Variants in HS2ST1 observed in about 807,000 individuals in gnomAD.
HS2ST1 encodes the protein 2-O-sulfotransferase.
HS2ST1 carries 18 observed loss-of-function variants against 42.9 expected under a neutral mutation model. The ratio of observed to expected loss-of-function variants is 0.42; its 90% CI spans 0.29 to 0.62. HS2ST1 has a LOEUF of 0.62. Among genes scored for constraint, HS2ST1 ranks in the 20% least tolerant of loss-of-function variants. The pLI, the probability that HS2ST1 is intolerant of heterozygous loss-of-function variation, is 0.21. For synonymous variants in HS2ST1, 146 were observed against 152.9 expected (o/e 0.95, Z 0.33); for missense variants, 334 against 433.8 (o/e 0.77, Z 2.04).
At chr1:87,102,461 T>C (rs1029136254) in intron 5 of HS2ST1, among the ~76,000 whole-genome samples, 15 of 152,210 alleles carry the variant, frequency 9.9e-5, no homozygotes, top group African/African-American at 3.6e-4. Context: ...CCTGCTCCCA[T>C]GATCCAGTTA....
intron 1 of HS2ST1, among the ~76,000 whole-genome samples, chr1:86,926,667 G>GT (rs1660428781): frequency 6.6e-6 from 1 of 152,152 alleles, no homozygotes; most frequent in South Asian, 2.1e-4. Flanking sequence ...CTTTGATTGT[G>GT]TGTCCCCAAG....
intron 1 of HS2ST1, chr1:86,958,413 C>T (rs1647735018): frequency 6.6e-6 from 1 of 152,248 alleles, no homozygotes; most frequent in African/African-American, 2.4e-5. Context: ...TAAAGGTCTT[C>T]ATCCTTGCTG....
chr1:86,935,455 CTTTTTTTTTT>C (rs552713297), intron 1 of HS2ST1, among the ~76,000 whole-genome samples: 4 of 62,062 alleles, frequency 6.4e-5, no homozygotes, highest in South Asian at 5.3e-4. Context: ...TCTTTTTCTC[CTTTTTTTTTT>C]TTTTTTTTTT....
At chr1:86,944,555 A>G (rs576245726) in intron 1 of HS2ST1, among the ~76,000 whole-genome samples, 22 of 151,966 alleles carry the variant, frequency 1.4e-4, no homozygotes, top group African/African-American at 4.4e-4. Flanking sequence ...GGGTTTCACC[A>G]TGTTGACCAG....
At chr1:87,074,002 T>C (rs1316776189) in intron 2 of HS2ST1, among the ~76,000 whole-genome samples, 3 of 152,208 alleles carry the variant, frequency 2.0e-5, no homozygotes, top group Non-Finnish European at 4.4e-5. Flanking sequence ...GCAGTGAACT[T>C]GTTACAGAAT....
At chr1:87,034,106 A>C (rs535199076) in intron 1 of HS2ST1, among the ~76,000 whole-genome samples, 27 of 152,376 alleles carry the variant, frequency 1.8e-4, no homozygotes, top group African/African-American at 6.0e-4. Context: ...AGTCTAAAAA[A>C]TAAGTAGACC....
intron 1 of HS2ST1, among the ~76,000 whole-genome samples, chr1:86,986,581 A>G (rs1305057813): frequency 1.3e-5 from 2 of 152,222 alleles, no homozygotes; most frequent in African/African-American, 4.8e-5. Flanking sequence ...GATTATCTAC[A>G]TTGCCCAGTG....
At chr1:87,026,013 ATTC>A (rs1159759594) in intron 1 of HS2ST1, among the ~76,000 whole-genome samples, 3 of 152,170 alleles carry the variant, frequency 2.0e-5, no homozygotes, top group African/African-American at 7.2e-5. Context: ...ATATATTCTT[ATTC>A]TTCTTTGCTA....
chr1:87,073,039 T>A lies in HS2ST1; in HGVS notation c.230T>A (p.Ile77Asn). Residue 77 changes from isoleucine (I) to asparagine (N), a missense_variant, in exon 2 of 7, where the codon ATT (isoleucine) becomes AAT (asparagine). Physicochemically the swap from Ile to Asn is moderately radical, Grantham distance 149. Coordinates refer to ENST00000370550, the MANE Select transcript of HS2ST1 (RefSeq NM_012262.4). ...TLDEEEDMVI[I>N]YNRVPKTAST... ...GATGAGGAAGAGGACATGGTGATCA[T>A]TTATAACAGAGTTCCCAAAACGGCA... 6.2e-7 allele frequency: 1 copy of A among 1,614,076 alleles called. No individual in the cohort carries two copies.
At chr1:86,927,198 G>A (rs971381660) in intron 1 of HS2ST1, among the ~76,000 whole-genome samples, 2 of 152,146 alleles carry the variant, frequency 1.3e-5, no homozygotes, top group African/African-American at 2.4e-5. Context: ...AGAATCAGAG[G>A]GATGGTAGTG....
intron 1 of HS2ST1, among the ~76,000 whole-genome samples, chr1:86,919,250 T>C (rs944515533): frequency 2.6e-5 from 4 of 152,104 alleles, no homozygotes; most frequent in Non-Finnish European, 5.9e-5. Flanking sequence ...CGGCCTCTTA[T>C]TTGTTTTTGT....
chr1:87,029,811 A>G (rs1192191491), intron 1 of HS2ST1, among the ~76,000 whole-genome samples: 2 of 152,202 alleles, frequency 1.3e-5, no homozygotes, highest in Non-Finnish European at 2.9e-5. Flanking sequence ...GAGGAAGTCA[A>G]AGCTTCAGAA....
chr1:86,922,172 T>G (rs35801886), intron 1 of HS2ST1, among the ~76,000 whole-genome samples: 46 of 151,742 alleles, frequency 3.0e-4, no homozygotes, highest in Non-Finnish European at 5.0e-4. Context: ...TGTTGTTGTT[T>G]TTTTTTTAAG....
At chr1:86,969,092 T>C (rs1372757760) in intron 1 of HS2ST1, among the ~76,000 whole-genome samples, 1 of 152,196 alleles carries the variant, frequency 6.6e-6, no homozygotes, top group Admixed American at 6.5e-5. Context: ...AAATATAAAG[T>C]GTTACTTTTC....
chr1:86,974,341 G>T (rs1437090424), intron 1 of HS2ST1, among the ~76,000 whole-genome samples: 3 of 152,160 alleles, frequency 2.0e-5, no homozygotes, highest in African/African-American at 7.2e-5. Context: ...GAGCTTCTAG[G>T]TTGCATTGAA....
intron 1 of HS2ST1, among the ~76,000 whole-genome samples, chr1:87,024,495 C>T (rs1216272498): frequency 6.9e-6 from 1 of 144,332 alleles, no homozygotes; most frequent in Admixed American, 6.9e-5. Flanking sequence ...AGTGAGACTC[C>T]GTCTCAAAGA....
chr1:87,048,583 CG>C (rs1650753229), intron 1 of HS2ST1, among the ~76,000 whole-genome samples: 1 of 145,996 alleles, frequency 6.8e-6, no homozygotes, highest in South Asian at 2.3e-4. Flanking sequence ...CCCAGTTTGC[CG>C]AGATTTTTAT....
chr1:86,989,951 T>C (rs1648894500), intron 1 of HS2ST1, among the ~76,000 whole-genome samples: 1 of 152,124 alleles, frequency 6.6e-6, no homozygotes, highest in African/African-American at 2.4e-5. Flanking sequence ...CCACATTTTC[T>C]TTATCTAGTC....
In HS2ST1 at chr1:86,975,691, GTTTAT is replaced by G. The variant is rs1250176613; in HGVS notation, c.124+60537_124+60541del. Among the ~76,000 whole-genome samples the G allele has an allele frequency of 2.0e-5, 3 of 152,096 alleles. No individual in the cohort carries two copies. In the East Asian group the frequency reaches 5.8e-4, roughly 29 times the overall value. ...GGTAATTTTTACAGTTTAAGGCATT[GTTTAT>G]TTTATACCTTTTACCAAATGCTATG... is the stretch of plus-strand genomic sequence containing the variant. On this transcript the variant is annotated intron_variant, in intron 1 of 6. Transcript: ENST00000370550.
Sources: allele counts gnomAD v4.1 joint callset (sites outside exome capture counted in the v4.1 genomes callset), GRCh38; gene constraint gnomAD v4.1.1; transcripts MANE v1.5; gene names NCBI Gene and HGNC (gene_info 2026-07-23, HGNC 2026-07-21).